Variants in TRPM2 observed in about 807,000 individuals in gnomAD.
TRPM2 encodes estrogen-responsive element-associated gene 1 protein.
In TRPM2, 161 loss-of-function variants were observed where a neutral mutation model predicts 174.0. The observed-to-expected ratio is 0.93, with a 90% CI of 0.81 to 1.05. The LOEUF (loss-of-function observed/expected upper bound fraction) is 1.05, where lower values mean the gene tolerates loss of function less well. TRPM2 is among the 50% of genes least tolerant of loss of function. The pLI is 0.00. For synonymous variants in TRPM2, 954 were observed against 861.3 expected (o/e 1.11, Z -1.88); for missense variants, 2,057 against 2,038.0 (o/e 1.01, Z -0.18).
rs2051360681 is a variant in TRPM2, at chr21:44,438,471, C to G, written c.4168-596C>G. 6.6e-6 allele frequency among the ~76,000 whole-genome samples: 1 copy of G among 152,158 alleles called. No individual in the cohort carries two copies. Among genetic ancestry groups the G allele is most frequent in the African/African-American group, 2.4e-5 (1 of 41,432 alleles). ...TGTCATGGGGCTGAGGTGGGACCGTCTTGACGTGGCCTGCAAAGTCTTCAT... is the reference window on the plus strand; with the variant it reads ...TGTCATGGGGCTGAGGTGGGACCGTGTTGACGTGGCCTGCAAAGTCTTCAT... On this transcript the variant is annotated intron_variant, in intron 29 of 31. Transcript: ENST00000397928. The surrounding 1 kb of genome is among the most constrained non-coding windows in gnomAD (Gnocchi z 5.9).
chr21:44,408,622 C>T (rs1036512113), intron 19 of TRPM2, among the ~76,000 whole-genome samples: 5 of 148,344 alleles, frequency 3.4e-5, no homozygotes, highest in Non-Finnish European at 7.4e-5. Context: ...TGTAAGTCTT[C>T]TTTCAAGAAA....
Position 44,401,823 on chromosome 21 carries a change from C to A in TRPM2, c.2464C>A (p.Gln822Lys), listed in dbSNP as rs141737487. 2 of 1,613,924 alleles carry A rather than the reference C, an allele frequency of 1.2e-6. No homozygotes were observed. The highest frequency in any genetic ancestry group is 2.2e-5 in the South Asian group (2 of 91,080). Residue 822 changes from glutamine to lysine, a missense_variant, in exon 16 of 32, where the codon CAG (glutamine) becomes AAG (lysine). Transcript: ENST00000397928. ...LFAYVLMVDF[Q>K]PVPSWCECAI... The stretch of plus-strand genomic sequence containing the variant: ...CGCCTACGTGCTCATGGTGGACTTC[C>A]AGCCTGTGCCCTCCTGGTGCGAGTG...
At position 44,377,716 on chromosome 21, in the gene TRPM2, G is replaced by T; in HGVS notation, c.957G>T (p.Val319=). ...TCGGCTGTGTGCTTTTTCTAGGTGT[G>T]GCCATCAAGATCCCCATCGTGTGCG... ...ISEQTKERGG[V]AIKIPIVCVV... The change falls in exon 7 of 32, where the codon GTG becomes GTT. Residue 319 remains valine, a synonymous_variant. Transcript: ENST00000397928. The T allele has an allele frequency of 1.2e-6, 2 of 1,614,120 alleles. No individual in the cohort carries two copies. The highest frequency in any genetic ancestry group is 1.7e-6 in the Non-Finnish European group (2 of 1,180,034).
intron 25 of TRPM2, 72 bp downstream of exon 25, chr21:44,425,899 A>T (rs2050752042): frequency 7.1e-7 from 1 of 1,417,524 alleles, no homozygotes; most frequent in African/African-American, 1.4e-5. Context: ...CCCTGTCCCC[A>T]TCCATCTGGT....
intron 15 of TRPM2, 40 bp from the exon 16 acceptor site, chr21:44,401,641 C>T (rs1162812380): frequency 6.2e-7 from 1 of 1,602,248 alleles, no homozygotes; most frequent in East Asian, 2.2e-5. Context: ...GGACCCTGGC[C>T]CTGGTGGTCA....
rs1466163167 is a variant in TRPM2 at position 44,413,807 on chromosome 21, G to A, written c.2963-84G>A. On this transcript the variant is annotated intron_variant, in intron 19 of 31. Coordinates refer to ENST00000397928, the MANE Select transcript of TRPM2 (RefSeq NM_003307.4). ...CCTGCGGGGGACCTGGCAGTGACTGGAGGCCTCGAGGGCCCCCTCCTGCCA... is the reference window on the plus strand; with the variant it reads ...CCTGCGGGGGACCTGGCAGTGACTGAAGGCCTCGAGGGCCCCCTCCTGCCA... 1.7e-5 allele frequency: 25 copies of A among 1,490,204 alleles called. No homozygotes were observed. In the African/African-American group the frequency reaches 3.0e-4, roughly 18 times the overall value. The allele number at this position is 1,490,204 out of a possible 1,614,324, so 92.3% of individuals were successfully genotyped here. A position where few individuals can be genotyped will look rare whatever the true frequency, so the allele number is the denominator to read the frequency against.
In TRPM2 at chr21:44,441,989, T is replaced by C. The variant is rs754585572; in HGVS notation, c.*172T>C. ...CGCAAGTCTGCTGCAGATGACCTCA[T>C]GAACTGGAAGGGGTCAAGGTGACCC... On this transcript the variant is annotated 3_prime_UTR_variant, in exon 32 of 32. Transcript: ENST00000397928. 6 of 1,015,140 alleles carry C rather than the reference T, an allele frequency of 5.9e-6. No individual in the cohort carries two copies. The highest frequency in any genetic ancestry group is 8.0e-6 in the Non-Finnish European group (6 of 751,804). The allele number at this position is 1,015,140 out of a possible 1,614,324, so 62.9% of individuals were successfully genotyped here.
intron 5 of TRPM2, among the ~76,000 whole-genome samples, chr21:44,375,041 A>G (rs954020595): frequency 1.3e-5 from 2 of 152,094 alleles, no homozygotes; most frequent in Non-Finnish European, 2.9e-5. Context: ...CCTCCCAAGT[A>G]GCTGGGACTA....
intron 31 of TRPM2, 64 bp from the exon 32 acceptor site, chr21:44,441,628 G>T: frequency 6.5e-7 from 1 of 1,547,164 alleles, no homozygotes; most frequent in Non-Finnish European, 8.7e-7. Context: ...GCTGCAGTCC[G>T]TAGGGCTCAG....
intron 22 of TRPM2, among the ~76,000 whole-genome samples, chr21:44,420,508 C>T (rs1320863113): frequency 6.6e-6 from 1 of 152,226 alleles, no homozygotes; most frequent in Non-Finnish European, 1.5e-5. Context: ...GGTCGCTGGT[C>T]TCCAGGCCTG....
chr21:44,424,508 CCT>C (rs1195567875), intron 23 of TRPM2, among the ~76,000 whole-genome samples: 1 of 152,220 alleles, frequency 6.6e-6, no homozygotes, highest in Non-Finnish European at 1.5e-5. Context: ...CGGCCTGTGA[CCT>C]CTCCCTGTGG....
chr21:44,388,534 C>T (rs760144472), intron 9 of TRPM2, among the ~76,000 whole-genome samples: 1 of 150,998 alleles, frequency 6.6e-6, no homozygotes, highest in Non-Finnish European at 1.5e-5. Context: ...GAACTGTACG[C>T]TTAAAAATAT....
intron 24 of TRPM2, chr21:44,425,249 TG>T (rs1387337602): frequency 3.3e-5 from 14 of 423,804 alleles, no homozygotes; most frequent in Middle Eastern, 6.1e-4. Flanking sequence ...GGCTGCAGAC[TG>T]TGTCTGAACC....
intron 26 of TRPM2, 116 bp downstream of exon 26, chr21:44,426,852 G>A: frequency 1.4e-6 from 2 of 1,384,786 alleles, no homozygotes; most frequent in South Asian, 2.4e-5. Context: ...GAGCAGGAGG[G>A]GCCCGTGGGG....
rs538899213 is a variant in TRPM2, at chr21:44,436,661, A to G, written c.4062-401A>G. 5.0e-5 allele frequency among the ~76,000 whole-genome samples: 5 copies of G among 100,968 alleles called. No homozygotes were observed. The Admixed American group carries it at 5.7e-4, about 11-fold the overall frequency. 66.2% of individuals were successfully genotyped at this position (100,968 alleles called of 152,430 possible). On this transcript the variant is annotated intron_variant, in intron 28 of 31. Transcript: ENST00000397928. The stretch of plus-strand genomic sequence containing the variant: ...CAGGTGGCCCTCGGCACCCCACATC[A>G]CCCCCAGGCTGCACTCAGCATCCCA...
intron 27 of TRPM2, among the ~76,000 whole-genome samples, chr21:44,429,965 G>T (rs908999119): frequency 6.6e-6 from 1 of 152,140 alleles, no homozygotes. Context: ...TTTCTATCTA[G>T]TCCCAATTTG....
chr21:44,440,818 G>A lies in TRPM2; in HGVS notation c.4299G>A (p.Arg1433=), dbSNP rs1382513399. ...EVYKGYMDDP[R]NTDNAWIETV... is the part of the protein sequence containing the mutation. ...ACAAAGGCTACATGGATGACCCGAG[G>A]AACACGGACAATGCCTGGATCGAGA... Residue 1433 remains arginine (R), a synonymous_variant, in exon 31 of 32, where the codon AGG becomes AGA. Transcript: ENST00000397928. 1 of 1,613,918 alleles carries A rather than the reference G, an allele frequency of 6.2e-7. No homozygotes were observed. The highest frequency in any genetic ancestry group is 8.5e-7 in the Non-Finnish European group (1 of 1,179,970).
intron 29 of TRPM2, 101 bp downstream of exon 29, chr21:44,437,268 CCCCCTGCAG>C: frequency 9.2e-7 from 1 of 1,087,258 alleles, no homozygotes. Flanking sequence ...CCCCCTGCAG[CCCCCTGCAG>C]CCCCTGGGCA....
In TRPM2 at chr21:44,382,734, G is replaced by C. The variant is rs747032807; in HGVS notation, c.1232G>C (p.Arg411Pro). The change falls in exon 9 of 32, where the codon CGG becomes CCG. Residue 411 changes from arginine to proline, a missense_variant. Physicochemically the swap from Arg to Pro is moderately radical, Grantham distance 103. Transcript: ENST00000397928. Reference sequence around the variant, plus strand: ...TTGTTGCAGATCCAAGATATCGTCCGGAGGCGGCAGCTGCTGACTGTCTTC... The same window carrying C: ...TTGTTGCAGATCCAAGATATCGTCCCGAGGCGGCAGCTGCTGACTGTCTTC... ...EWTKKIQDIV[R>P]RRQLLTVFRE... is the part of the protein sequence containing the mutation. 3 of 1,613,946 alleles carry C rather than the reference G, an allele frequency of 1.9e-6. No individual in the cohort carries two copies. The African/African-American group carries it at 4.0e-5, about 22-fold the overall frequency.
Sources: allele counts gnomAD v4.1 joint callset (sites outside exome capture counted in the v4.1 genomes callset), GRCh38; gene constraint gnomAD v4.1.1; non-coding constraint Gnocchi (gnomAD v3.1); transcripts MANE v1.5; gene names NCBI Gene and HGNC (gene_info 2026-07-23, HGNC 2026-07-21).